The following POLD1 variants were observed in gnomAD, a reference collection of about 807,000 sequenced individuals.
POLD1 encodes DNA polymerase delta 1, catalytic subunit.
A neutral mutation model predicts 129.7 loss-of-function variants in POLD1; 79 were observed. The ratio of observed to expected loss-of-function variants is 0.61; its 90% CI spans 0.51 to 0.73. The LOEUF (loss-of-function observed/expected upper bound fraction) is 0.73. POLD1 is among the 30% of genes least tolerant of loss of function. POLD1 has a pLI of 0.00. For synonymous variants in POLD1, 714 were observed against 683.3 expected (o/e 1.04, Z -0.70); for missense variants, 1,338 against 1,595.8 (o/e 0.84, Z 2.75).
intron 1 of POLD1, among the ~76,000 whole-genome samples, chr19:50,389,953 G>C (rs572585242): frequency 1.3e-5 from 2 of 149,850 alleles, no homozygotes; most frequent in South Asian, 4.2e-4. Flanking sequence ...TTGTCACCCA[G>C]GCTGGAGTGC....
chr19:50,412,445 G>A (rs889016128), intron 17 of POLD1, among the ~76,000 whole-genome samples: 1 of 150,790 alleles, frequency 6.6e-6, no homozygotes, highest in African/African-American at 2.4e-5. Flanking sequence ...GAGTCACCAC[G>A]CTTGGCCTCC....
chr19:50,394,380 G>A (rs927707341), intron 1 of POLD1, among the ~76,000 whole-genome samples: 4 of 152,158 alleles, frequency 2.6e-5, no homozygotes, highest in Non-Finnish European at 4.4e-5. Context: ...AGCCGGGCGC[G>A]GTGGCTCACA....
In POLD1 at chr19:50,409,931, C is replaced by A. The variant is rs2039033920; in HGVS notation, c.2154+265C>A. On this transcript the variant is annotated intron_variant, in intron 17 of 26. Coordinates refer to ENST00000440232, the MANE Select transcript of POLD1 (RefSeq NM_002691.4). The surrounding 1 kb of genome is among the most constrained non-coding windows in gnomAD (Gnocchi z 5.8). ...AATGGATGAGAGCTCCTGTCCCTGT[C>A]ATCTTGCAGCCCAGTGGGGACACTG... 6.6e-6 allele frequency among the ~76,000 whole-genome samples: 1 copy of A among 152,246 alleles called. No homozygotes were observed. Among genetic ancestry groups the A allele is most frequent in the Non-Finnish European group, 1.5e-5 (1 of 68,044 alleles).
intron 1 of POLD1, among the ~76,000 whole-genome samples, chr19:50,389,152 G>A (rs773131666): frequency 2.1e-5 from 3 of 146,136 alleles, no homozygotes; most frequent in East Asian, 4.0e-4. Context: ...TTTTGGTACA[G>A]TATTTTACTC....
intron 3 of POLD1, among the ~76,000 whole-genome samples, chr19:50,400,211 A>ATTTTTTTTTTTTTTTTTTTTT (rs549820323): frequency 1.5e-5 from 1 of 67,824 alleles, no homozygotes; most frequent in African/African-American, 6.8e-5. Context: ...CTGGCCAATA[A>ATTTTTTTTTTTTTTTTTTTTT]TTTTTTTTTT....
Position 50,415,815 on chromosome 19 carries a change from A to G in POLD1, c.2809A>G (p.Met937Val), listed in dbSNP as rs1060501839. ...TGCCGCCAAGGGTGTGGCCGCCTACATGAAGTCGGAGGTCAGGCCCACCTG... is the reference window on the plus strand; with the variant it reads ...TGCCGCCAAGGGTGTGGCCGCCTACGTGAAGTCGGAGGTCAGGCCCACCTG... ...ISAAKGVAAYMKSEDPLFVLE... is the reference protein window; with the variant it reads ...ISAAKGVAAYVKSEDPLFVLE... Residue 937 changes from methionine (M) to valine (V), a missense_variant, in exon 22 of 27, where the codon ATG becomes GTG. Physicochemically the swap from Met to Val is conservative, Grantham distance 21 (BLOSUM62 1). Transcript: ENST00000440232. The G allele has an allele frequency of 2.6e-6, 4 of 1,529,454 alleles. No individual in the cohort carries two copies. The highest frequency in any genetic ancestry group is 2.0e-5 in the Admixed American group (1 of 49,088). The allele number at this position is 1,529,454 out of a possible 1,614,324, so 94.7% of individuals were successfully genotyped here. A position where few individuals can be genotyped will look rare whatever the true frequency, so the allele number is the denominator to read the frequency against.
rs1221582721 is a variant in POLD1, at chr19:50,416,713, C to T, written c.3057C>T (p.Leu1019=). 2.0e-6 allele frequency: 3 copies of T among 1,538,304 alleles called. No individual in the cohort carries two copies. The highest frequency in any genetic ancestry group is 1.7e-6 in the Non-Finnish European group (2 of 1,146,748). ...RNCCIGCRTV[L]SHQGAVCEFC... is the part of the protein sequence containing the mutation. ...GCTGCATTGGCTGCCGCACAGTGCT[C>T]AGCCACCAGGGTGAGCGGCCCTGGC... The change falls in exon 24 of 27, where the codon CTC becomes CTT. Residue 1019 remains leucine, a synonymous_variant. Transcript: ENST00000440232.
At chr19:50,389,382 A>G (rs1448016262) in intron 1 of POLD1, among the ~76,000 whole-genome samples, 3 of 151,444 alleles carry the variant, frequency 2.0e-5, no homozygotes, top group African/African-American at 4.9e-5. Context: ...TCGGCCTCCA[A>G]ATGTCCTGGG....
chr19:50,415,210 T>C (rs1301774672), intron 20 of POLD1, among the ~76,000 whole-genome samples: 2 of 151,888 alleles, frequency 1.3e-5, no homozygotes, highest in African/African-American at 4.8e-5. Context: ...AACACAGGTG[T>C]CAGGCCCAGC....
intron 1 of POLD1, among the ~76,000 whole-genome samples, chr19:50,396,491 T>A (rs1370217119): frequency 1.3e-5 from 2 of 150,580 alleles, no homozygotes; most frequent in Non-Finnish European, 2.9e-5. Flanking sequence ...ATATATATAT[T>A]TTTTGAGATG....
intron 3 of POLD1, 79 bp downstream of exon 3, chr19:50,399,563 C>G: frequency 4.7e-6 from 5 of 1,064,734 alleles, no homozygotes; most frequent in Non-Finnish European, 4.3e-6. Flanking sequence ...CCCCTCTGGC[C>G]CTGTGCTCCT....
intron 1 of POLD1, among the ~76,000 whole-genome samples, chr19:50,395,488 G>C (rs2038323622): frequency 6.6e-6 from 1 of 152,022 alleles, no homozygotes; most frequent in Non-Finnish European, 1.5e-5. Context: ...GGAGGCTGAG[G>C]CGGGAGAATG....
chr19:50,408,161 C>T (rs2038967028), intron 14 of POLD1, among the ~76,000 whole-genome samples: 1 of 151,474 alleles, frequency 6.6e-6, no homozygotes, highest in Non-Finnish European at 1.5e-5. Flanking sequence ...ACGGTGAAAC[C>T]CCGTCTCTAC....
At chr19:50,405,412 A>C (rs142907517) in intron 10 of POLD1, among the ~76,000 whole-genome samples, 1 of 151,928 alleles carries the variant, frequency 6.6e-6, no homozygotes, top group Non-Finnish European at 1.5e-5. Flanking sequence ...GCTTTTCTCT[A>C]TGTCTGGCCA....
intron 1 of POLD1, among the ~76,000 whole-genome samples, chr19:50,386,590 TG>T (rs938317151): frequency 2.0e-5 from 3 of 152,212 alleles, no homozygotes; most frequent in African/African-American, 7.2e-5. Flanking sequence ...CAAGGCGTTG[TG>T]GGAACCCTGA....
intron 1 of POLD1, among the ~76,000 whole-genome samples, chr19:50,393,607 A>G (rs919901679): frequency 6.6e-6 from 1 of 152,178 alleles, no homozygotes; most frequent in African/African-American, 2.4e-5. Flanking sequence ...TCAAGGCTGC[A>G]GTGAGCTGAG....
chr19:50,414,035 T>G (rs913547253), intron 19 of POLD1, among the ~76,000 whole-genome samples, 156 bp downstream of exon 19: 2 of 152,242 alleles, frequency 1.3e-5, no homozygotes, highest in African/African-American at 4.8e-5. Flanking sequence ...CTCCAAGGCC[T>G]TGGGCTTTGT....
chr19:50,402,847 A>G, intron 8 of POLD1, 106 bp downstream of exon 8: 1 of 1,450,398 alleles, frequency 6.9e-7, no homozygotes, highest in Non-Finnish European at 9.3e-7. Context: ...GTGCCGGGGC[A>G]GGAGCACCCC....
At position 50,402,091 on chromosome 19, in the gene POLD1, G is replaced by C. The variant is rs1298088600; in HGVS notation, c.556G>C (p.Ala186Pro). 1 of 1,613,832 alleles carries C rather than the reference G, an allele frequency of 6.2e-7. No homozygotes were observed. Among genetic ancestry groups the C allele is most frequent in the Non-Finnish European group, 8.5e-7 (1 of 1,179,862 alleles). ...SRGGRELTGPAVLAVELCSRE... is the reference protein window; with the variant it reads ...SRGGRELTGPPVLAVELCSRE... ...CGGGGGGAGGGAGCTGACTGGGCCG[G>C]CCGTGCTGGCTGTGGAACTGTGCTC... The change falls in exon 5 of 27, where the codon GCC becomes CCC. Residue 186 changes from alanine (A) to proline (P), a missense_variant. This residue lies in a region of POLD1 where 332 missense variants were observed against 315.7 expected (regional missense o/e 1.05). Coordinates refer to ENST00000440232, the MANE Select transcript of POLD1 (RefSeq NM_002691.4).
Sources: allele counts gnomAD v4.1 joint callset (sites outside exome capture counted in the v4.1 genomes callset), GRCh38; gene constraint gnomAD v4.1.1; regional missense constraint gnomAD v4.1.1; non-coding constraint Gnocchi (gnomAD v3.1); transcripts MANE v1.5; gene names NCBI Gene and HGNC (gene_info 2026-07-23, HGNC 2026-07-21).